Variants in HCN1 observed in about 807,000 individuals in gnomAD.
HCN1 encodes the protein hyperpolarization activated cyclic nucleotide gated potassium channel 1.
Under a neutral mutation model 78.9 loss-of-function variants are expected in HCN1, and 13 were observed. That is an observed-to-expected ratio of 0.16 (90% CI 0.11 to 0.26). The LOEUF (loss-of-function observed/expected upper bound fraction) is 0.26. Among genes scored for constraint, HCN1 ranks in the 10% least tolerant of loss-of-function variants. The pLI is 1.00. For synonymous variants in HCN1, 552 were observed against 455.5 expected, an observed-to-expected ratio of 1.21 and a Z score of -2.70; for missense variants, 810 against 1,154.3, an observed-to-expected ratio of 0.70 and a Z score of 4.32.
At chr5:45,344,352 C>A (rs1746652665) in intron 5 of HCN1, among the ~76,000 whole-genome samples, 1 of 152,036 alleles carries the variant, frequency 6.6e-6, no homozygotes, top group Non-Finnish European at 1.5e-5. Flanking sequence ...TCCACCCCTG[C>A]CCCCTACCAA....
At chr5:45,613,926 T>C (rs1467026336) in intron 2 of HCN1, among the ~76,000 whole-genome samples, 1 of 152,162 alleles carries the variant, frequency 6.6e-6, no homozygotes, top group Admixed American at 6.6e-5. Context: ...TTATGAGCAC[T>C]CCAAATTCAA....
rs187449537 is a variant in HCN1, at chr5:45,291,325, T to C, written c.1618+12274A>G. On this transcript the variant is annotated intron_variant, in intron 6 of 7. Transcript: ENST00000303230. ...CTAAGATGATCACCTTATAAATATA[T>C]CATGTTCTGTGTATGCCCACTCGTT... Among the ~76,000 whole-genome samples, 203 of 152,134 alleles carry C rather than the reference T, an allele frequency of 1.3e-3. 1 individual carries two copies. Among genetic ancestry groups the C allele is most frequent in the Non-Finnish European group, 1.8e-3 (122 of 67,976 alleles).
At chr5:45,314,773 G>C (rs1745942276) in intron 5 of HCN1, among the ~76,000 whole-genome samples, 1 of 152,128 alleles carries the variant, frequency 6.6e-6, no homozygotes, top group South Asian at 2.1e-4. Flanking sequence ...CCTAGTCTCT[G>C]ATAAAACAGA....
intron 6 of HCN1, among the ~76,000 whole-genome samples, chr5:45,289,709 C>T (rs1306698585): frequency 1.3e-5 from 2 of 151,964 alleles, no homozygotes; most frequent in Non-Finnish European, 2.9e-5. Flanking sequence ...TCAAAGGAAT[C>T]TTCTTATTCT....
intron 6 of HCN1, among the ~76,000 whole-genome samples, chr5:45,303,398 C>T (rs148384988): frequency 7.3e-4 from 111 of 152,188 alleles, no homozygotes; most frequent in Middle Eastern, 3.4e-3. Flanking sequence ...AATAATATCT[C>T]AACCAATGTA....
At chr5:45,317,468 A>G (rs572718746) in intron 5 of HCN1, among the ~76,000 whole-genome samples, 152 of 152,364 alleles carry the variant, frequency 1.0e-3, no homozygotes, top group African/African-American at 3.4e-3. Flanking sequence ...ACCCTAGAAG[A>G]AGACCTAGGC....
At chr5:45,635,147 C>A (rs1321160462) in intron 2 of HCN1, among the ~76,000 whole-genome samples, 1 of 152,072 alleles carries the variant, frequency 6.6e-6, no homozygotes, top group Non-Finnish European at 1.5e-5. Context: ...ATTAACTTGA[C>A]AAGCTAATTA....
At chr5:45,345,015 GA>G (rs1746669710) in intron 5 of HCN1, among the ~76,000 whole-genome samples, 1 of 152,160 alleles carries the variant, frequency 6.6e-6, no homozygotes. Flanking sequence ...CTTCTGCCTG[GA>G]CATCCACGCA....
intron 6 of HCN1, among the ~76,000 whole-genome samples, chr5:45,284,912 T>C (rs539758908): frequency 1.3e-5 from 2 of 152,206 alleles, no homozygotes; most frequent in South Asian, 4.1e-4. Context: ...GATGGGTCTA[T>C]TTAAAGTGGA....
At position 45,583,035 on chromosome 5, in the gene HCN1, C is replaced by T. The variant is rs1373482876; in HGVS notation, c.849+62150G>A. On this transcript the variant is annotated intron_variant, in intron 2 of 7. Coordinates refer to ENST00000303230, the MANE Select transcript of HCN1 (RefSeq NM_021072.4). ...GGTTTGGTATCAGGATGATGTTGGC[C>T]TCATAAAATGAGTTAGGGAGGATTC... Among the ~76,000 whole-genome samples the T allele has an allele frequency of 2.0e-5, 3 of 151,790 alleles. No individual in the cohort carries two copies. In the East Asian group the frequency reaches 5.8e-4, roughly 29 times the overall value.
In HCN1 at chr5:45,316,449, T is replaced by C. The variant is rs189446038; in HGVS notation, c.1378-12610A>G. ...AGAGCTACTTAAGACAAACCCACAG[T>C]CAATATCATACTGAATGGGCAAAAA... On this transcript the variant is annotated intron_variant, in intron 5 of 7. Transcript: ENST00000303230. Among the ~76,000 whole-genome samples, 300 of 152,158 alleles carry C rather than the reference T, an allele frequency of 2.0e-3. 1 individual carries two copies. The highest frequency in any genetic ancestry group is 6.8e-3 in the African/African-American group (284 of 41,544).
intron 6 of HCN1, among the ~76,000 whole-genome samples, chr5:45,268,297 T>G (rs912077873): frequency 5.3e-5 from 8 of 152,236 alleles, no homozygotes; most frequent in African/African-American, 1.2e-4. Flanking sequence ...TATTAAGAGA[T>G]AATTTTCCAT....
At chr5:45,356,073 AC>A (rs1747002082) in intron 4 of HCN1, among the ~76,000 whole-genome samples, 1 of 152,022 alleles carries the variant, frequency 6.6e-6, no homozygotes, top group Non-Finnish European at 1.5e-5. Context: ...TGAAAAAGAC[AC>A]TTAGTAGTGG....
At chr5:45,647,806 C>T (rs915159677) in intron 1 of HCN1, among the ~76,000 whole-genome samples, 1 of 152,068 alleles carries the variant, frequency 6.6e-6, no homozygotes, top group African/African-American at 2.4e-5. Flanking sequence ...AACCATGGAG[C>T]CATCCTAAAT....
chr5:45,290,648 G>T (rs1331104980), intron 6 of HCN1, among the ~76,000 whole-genome samples: 1 of 151,926 alleles, frequency 6.6e-6, no homozygotes, highest in Non-Finnish European at 1.5e-5. Context: ...ATTAAAGGTG[G>T]CTCCAAAAGT....
At chr5:45,467,436 C>T (rs10473387) in intron 2 of HCN1, among the ~76,000 whole-genome samples, 38,320 of 151,960 alleles carry the variant, frequency 0.25, 5,007 homozygotes, top group East Asian at 0.32. Context: ...CTCCCAATGT[C>T]CACGTGCCAC....
At chr5:45,663,922 T>C (rs1267444574) in intron 1 of HCN1, among the ~76,000 whole-genome samples, 2 of 142,500 alleles carry the variant, frequency 1.4e-5, no homozygotes, top group Admixed American at 1.4e-4. Flanking sequence ...GATCTAGAAC[T>C]AGAAATACCA....
intron 2 of HCN1, among the ~76,000 whole-genome samples, chr5:45,620,638 A>T (rs1745041401): frequency 6.6e-6 from 1 of 151,836 alleles, no homozygotes; most frequent in South Asian, 2.1e-4. Flanking sequence ...AAAGGGAGGG[A>T]GGATAGGAAC....
At chr5:45,489,563 G>C (rs1326774684) in intron 2 of HCN1, among the ~76,000 whole-genome samples, 6 of 152,078 alleles carry the variant, frequency 3.9e-5, no homozygotes, top group Admixed American at 2.6e-4. Flanking sequence ...AGTGCTCTCT[G>C]TTTCCACCAT....
Sources: gnomAD v4.1 joint callset for allele counts (sites outside exome capture counted in the v4.1 genomes callset) on GRCh38, gnomAD v4.1.1 for gene constraint, MANE v1.5 for transcripts, NCBI Gene and HGNC (gene_info 2026-07-23, HGNC 2026-07-21) for gene names.